Variants in TLK2 observed in about 807,000 individuals in gnomAD.
TLK2 encodes tousled like kinase 2, also known as serine/threonine-protein kinase tousled-like 2.
A neutral mutation model predicts 117.3 loss-of-function variants in TLK2; 6 were observed. That is an observed-to-expected ratio of 0.05 (90% CI 0.03 to 0.10). TLK2 has a LOEUF of 0.10. Ranked by LOEUF, TLK2 falls within the 10% of genes least tolerant of loss-of-function variation. The pLI, the probability that TLK2 is intolerant of heterozygous loss-of-function variation, is 1.00. For synonymous variants in TLK2, 257 were observed against 316.7 expected, an observed-to-expected ratio of 0.81 and a Z score of 2.00; for missense variants, 299 against 901.2, an observed-to-expected ratio of 0.33 and a Z score of 8.56.
At chr17:62,545,129 C>T (rs1311926925) in intron 7 of TLK2, among the ~76,000 whole-genome samples, 2 of 152,002 alleles carry the variant, frequency 1.3e-5, no homozygotes, top group African/African-American at 2.4e-5. Flanking sequence ...CGGGTTCAAG[C>T]GATTCTCCTG....
At chr17:62,545,728 C>T (rs2077861101) in intron 7 of TLK2, among the ~76,000 whole-genome samples, 1 of 152,082 alleles carries the variant, frequency 6.6e-6, no homozygotes, top group Non-Finnish European at 1.5e-5. Flanking sequence ...AAGACAGGGT[C>T]TCATTTTGTC....
intron 14 of TLK2, among the ~76,000 whole-genome samples, chr17:62,579,731 A>C (rs2081072412): frequency 1.3e-5 from 2 of 152,212 alleles, no homozygotes; most frequent in African/African-American, 4.8e-5. Context: ...TACTGTATGT[A>C]GTTTTGAAAT....
At chr17:62,574,520 GTTGT>G (rs965280631) in intron 12 of TLK2, 88 of 608,094 alleles carry the variant, frequency 1.4e-4, no homozygotes, top group African/African-American at 5.3e-4. Context: ...TTTTGTTGTT[GTTGT>G]TTTTTTTTTT....
At chr17:62,536,379 C>CCA in intron 7 of TLK2, 42 bp downstream of exon 7, 1 of 1,560,716 alleles carries the variant, frequency 6.4e-7, no homozygotes, top group Non-Finnish European at 8.7e-7. Context: ...TTTCCATTGC[C>CCA]CTAGTGCTCC....
chr17:62,564,648 C>T (rs866526006), intron 10 of TLK2, among the ~76,000 whole-genome samples: 32 of 151,472 alleles, frequency 2.1e-4, no homozygotes, highest in South Asian at 1.0e-3. Context: ...GAAGAGGCTG[C>T]AGTGAGCCGA....
chr17:62,549,160 G>A (rs1227295560), intron 7 of TLK2, among the ~76,000 whole-genome samples: 2 of 148,458 alleles, frequency 1.3e-5, no homozygotes, highest in African/African-American at 4.9e-5. Context: ...TTGGGAGGCC[G>A]AGGTGGGGGG....
intron 15 of TLK2, 32 bp downstream of exon 15, chr17:62,580,224 G>A: frequency 6.5e-7 from 1 of 1,536,572 alleles, no homozygotes; most frequent in Non-Finnish European, 8.9e-7. Context: ...CAAAGACTGG[G>A]GGTTAAATTA....
chr17:62,608,372 T>A (rs1483601965), intron 21 of TLK2, among the ~76,000 whole-genome samples: 2 of 152,140 alleles, frequency 1.3e-5, no homozygotes, highest in Non-Finnish European at 2.9e-5. Flanking sequence ...GATAGGTGGG[T>A]GTTTTAATCT....
Position 62,522,192 on chromosome 17 carries a change from G to A in TLK2, c.154-12G>A. 6.2e-7 allele frequency: 1 copy of A among 1,610,356 alleles called. No individual in the cohort carries two copies. The highest frequency in any genetic ancestry group is 1.1e-5 in the South Asian group (1 of 90,450). On this transcript the variant is annotated splice_polypyrimidine_tract_variant and intron_variant, in intron 3 of 21. Coordinates refer to ENST00000346027, the MANE Select transcript of TLK2 (RefSeq NM_006852.6). ...CCAAAATGCTAATTGTGACTTATATGGTATTTGACAGACTCCCGAGAAAAA... is the reference window on the plus strand; with the variant it reads ...CCAAAATGCTAATTGTGACTTATATAGTATTTGACAGACTCCCGAGAAAAA...
In TLK2 at chr17:62,536,277, T is replaced by A. The variant is rs1271245422; in HGVS notation, c.471T>A (p.Pro157=). Residue 157 remains proline (P), a synonymous_variant, in exon 7 of 22, where the codon CCT becomes CCA. Coordinates refer to ENST00000346027, the MANE Select transcript of TLK2 (RefSeq NM_006852.6). The stretch of plus-strand genomic sequence containing the variant: ...TCATGTCAGTGATGCTAGCAAAACC[T>A]CGGCTTGACACAGAGCAGCTGGCGC... ...PTLMSVMLAK[P]RLDTEQLAQR... 1 of 1,613,688 alleles carries A rather than the reference T, an allele frequency of 6.2e-7. No individual in the cohort carries two copies. Among genetic ancestry groups the A allele is most frequent in the African/African-American group, 1.3e-5 (1 of 75,056 alleles).
intron 2 of TLK2, among the ~76,000 whole-genome samples, chr17:62,491,503 T>G (rs1209890535): frequency 6.6e-6 from 1 of 152,226 alleles, no homozygotes; most frequent in African/African-American, 2.4e-5. Flanking sequence ...ATGTTTCACT[T>G]GATCCTGGCT....
At chr17:62,477,725 G>C (rs557237793), upstream of TLK2, 1 of 152,328 alleles carries the variant, frequency 6.6e-6, no homozygotes, top group African/African-American at 2.4e-5. Flanking sequence ...AGCCTGTCCT[G>C]GCTCAGGGGC....
rs192083267 is a variant in TLK2, at chr17:62,561,458, C to T, written c.831+1332C>T. On this transcript the variant is annotated intron_variant, in intron 10 of 21. Transcript: ENST00000346027. ...AACTTCTGACCTCAAGTGATCCACC[C>T]GTCTCGGCCTCCCAAAGTGCTGGGA... Among the ~76,000 whole-genome samples the T allele has an allele frequency of 4.0e-4, 61 of 152,350 alleles. 1 individual carries two copies. The highest frequency in any genetic ancestry group is 1.4e-3 in the African/African-American group (59 of 41,578).
At position 62,594,065 on chromosome 17, in the gene TLK2, T is replaced by G. The variant is rs533785323; in HGVS notation, c.1461-2520T>G. On this transcript the variant is annotated intron_variant, in intron 16 of 21. Coordinates refer to ENST00000346027, the MANE Select transcript of TLK2 (RefSeq NM_006852.6). ...GCCTCAGCCTCCCAAAGTGCTGGGA[T>G]TACAGCCGTTAGCCACCGCCCCTGC... 1.3e-3 allele frequency among the ~76,000 whole-genome samples: 197 copies of G among 150,156 alleles called. 1 individual carries two copies. The highest frequency in any genetic ancestry group is 4.6e-3 in the African/African-American group (190 of 41,122).
At chr17:62,595,097 G>T (rs2082371552) in intron 16 of TLK2, among the ~76,000 whole-genome samples, 1 of 152,052 alleles carries the variant, frequency 6.6e-6, no homozygotes, top group African/African-American at 2.4e-5. Context: ...GAGTAGTGGG[G>T]ATTACAGGTG....
chr17:62,590,118 AAAAAAAAAC>A (rs968371638), intron 16 of TLK2, among the ~76,000 whole-genome samples: 5 of 148,996 alleles, frequency 3.4e-5, no homozygotes, highest in East Asian at 2.0e-4. Flanking sequence ...TTAACCTTGA[AAAAAAAAAC>A]AAAAAAAACA....
chr17:62,542,445 G>C (rs116197728), intron 7 of TLK2, among the ~76,000 whole-genome samples: 3 of 152,038 alleles, frequency 2.0e-5, no homozygotes, highest in African/African-American at 4.8e-5. Context: ...TTTACTCCTC[G>C]TTATGAAAGA....
intron 2 of TLK2, among the ~76,000 whole-genome samples, chr17:62,511,466 G>A (rs1402994343): frequency 1.3e-5 from 2 of 152,128 alleles, no homozygotes; most frequent in South Asian, 4.1e-4. Flanking sequence ...TGCCTCCTGG[G>A]TTCAAGTGAT....
chr17:62,502,866 G>T (rs2074322793), intron 2 of TLK2, among the ~76,000 whole-genome samples: 1 of 152,108 alleles, frequency 6.6e-6, no homozygotes, highest in Non-Finnish European at 1.5e-5. Flanking sequence ...AGGCATTCAG[G>T]TGCAAAGGAT....
Sources: gnomAD v4.1 joint callset for allele counts (sites outside exome capture counted in the v4.1 genomes callset) on GRCh38, gnomAD v4.1.1 for gene constraint, MANE v1.5 for transcripts, NCBI Gene and HGNC (gene_info 2026-07-23, HGNC 2026-07-21) for gene names.